The following SLCO1B3 variants were observed in gnomAD, a reference collection of about 807,000 sequenced individuals.
SLCO1B3 encodes liver-specific organic anion transporter 2.
SLCO1B3 carries 72 observed loss-of-function variants against 71.8 expected under a neutral mutation model. The observed-to-expected ratio is 1.00, with a 90% confidence interval of 0.83 to 1.22. The LOEUF (loss-of-function observed/expected upper bound fraction) is 1.22. SLCO1B3 is among the 50% of genes most tolerant of loss of function. SLCO1B3 has a pLI of 0.00. For synonymous variants in SLCO1B3, 298 were observed against 278.4 expected (o/e 1.07, Z -0.70); for missense variants, 911 against 819.7 (o/e 1.11, Z -1.36).
intron 3 of SLCO1B3, among the ~76,000 whole-genome samples, chr12:20,818,028 A>G (rs925602615): frequency 6.6e-6 from 1 of 152,078 alleles, no homozygotes; most frequent in African/African-American, 2.4e-5. Context: ...GGTGAATAGG[A>G]GTATGACTAG....
intron 3 of SLCO1B3, among the ~76,000 whole-genome samples, chr12:20,826,598 A>G (rs1183168154): frequency 6.6e-6 from 1 of 151,724 alleles, no homozygotes; most frequent in East Asian, 1.9e-4. Context: ...ACCTTATTAC[A>G]ATTTATACAA....
chr12:20,906,978 TTAA>T (rs143683895), intron 15 of SLCO1B3, among the ~76,000 whole-genome samples: 2,323 of 152,148 alleles, frequency 0.015, 55 homozygotes, highest in African/African-American at 0.053. Flanking sequence ...ATCAATTAAA[TTAA>T]TAATGTGCAT....
intron 15 of SLCO1B3, among the ~76,000 whole-genome samples, chr12:20,911,271 G>A (rs896993923): frequency 2.0e-5 from 3 of 152,032 alleles, no homozygotes; most frequent in Admixed American, 6.6e-5. Flanking sequence ...TTGAATGTTG[G>A]ACCAGTCTTG....
At chr12:20,869,501 T>C (rs1048474282) in intron 8 of SLCO1B3, among the ~76,000 whole-genome samples, 1 of 152,206 alleles carries the variant, frequency 6.6e-6, no homozygotes, top group Admixed American at 6.5e-5. Context: ...TATAACTTCT[T>C]GTTTTATATT....
chr12:20,909,980 G>A (rs1866342770), intron 15 of SLCO1B3, among the ~76,000 whole-genome samples: 1 of 152,200 alleles, frequency 6.6e-6, no homozygotes, highest in Non-Finnish European at 1.5e-5. Context: ...AAATTGTAAT[G>A]AAGTCCTCTT....
At chr12:20,908,489 A>T (rs1310481961) in intron 15 of SLCO1B3, among the ~76,000 whole-genome samples, 2 of 152,096 alleles carry the variant, frequency 1.3e-5, no homozygotes, top group African/African-American at 4.8e-5. Context: ...CCACTATCAT[A>T]AAAAGTAGTC....
At chr12:20,856,044 G>A (rs915613512) in intron 4 of SLCO1B3, among the ~76,000 whole-genome samples, 1 of 152,114 alleles carries the variant, frequency 6.6e-6, no homozygotes, top group African/African-American at 2.4e-5. Flanking sequence ...CAGAATATTT[G>A]TGATTCAAAG....
intron 3 of SLCO1B3, among the ~76,000 whole-genome samples, chr12:20,830,338 C>T (rs1355516216): frequency 2.0e-5 from 3 of 151,998 alleles, no homozygotes; most frequent in Non-Finnish European, 4.4e-5. Flanking sequence ...CAGGCCTGTG[C>T]CTTTCTCAAA....
intron 5 of SLCO1B3, chr12:20,858,787 TAAG>T (rs1423822356): frequency 2.6e-5 from 8 of 308,806 alleles, no homozygotes; most frequent in African/African-American, 1.1e-4. Flanking sequence ...AACTTTTAAA[TAAG>T]AATAATATTA....
chr12:20,872,742 G>T (rs776000544), intron 8 of SLCO1B3, among the ~76,000 whole-genome samples: 1 of 151,986 alleles, frequency 6.6e-6, no homozygotes, highest in Non-Finnish European at 1.5e-5. Context: ...CATGAGTTAG[G>T]GCCTCAAAAC....
At chr12:20,858,317 T>C (rs1418461487) in intron 4 of SLCO1B3, 122 bp from the exon 5 acceptor site, 2 of 664,702 alleles carry the variant, frequency 3.0e-6, no homozygotes, top group African/African-American at 1.8e-5. Context: ...CACAGTTAAA[T>C]TACATGGTCT....
intron 8 of SLCO1B3, among the ~76,000 whole-genome samples, chr12:20,866,543 A>T (rs551071585): frequency 3.3e-5 from 5 of 152,262 alleles, no homozygotes; most frequent in African/African-American, 1.2e-4. Flanking sequence ...GGAGAACTTC[A>T]TGCCACTAAT....
In SLCO1B3 at chr12:20,877,889, T is replaced by C; in HGVS notation, c.1088T>C (p.Met363Thr). ...IGSFTYVFKYMEQQYGQSASH... is the reference protein window; with the variant it reads ...IGSFTYVFKYTEQQYGQSASH... ...TCTTTTACTTACGTCTTTAAATATATGGAGCAACAGTACGGTCAGTCTGCA... is the reference window on the plus strand; with the variant it reads ...TCTTTTACTTACGTCTTTAAATATACGGAGCAACAGTACGGTCAGTCTGCA... The change falls in exon 10 of 16, where the codon ATG (methionine) becomes ACG (threonine). Residue 363 changes from methionine (M) to threonine (T), a missense_variant. By Grantham distance (81) the Met-to-Thr change is moderately conservative. Coordinates refer to ENST00000381545, the MANE Select transcript of SLCO1B3 (RefSeq NM_019844.4). 1.3e-6 allele frequency: 2 copies of C among 1,591,362 alleles called. No homozygotes were observed. The highest frequency in any genetic ancestry group is 1.7e-6 in the Non-Finnish European group (2 of 1,171,364).
At chr12:20,814,573 G>A (rs1864158094) in intron 2 of SLCO1B3, among the ~76,000 whole-genome samples, 1 of 152,112 alleles carries the variant, frequency 6.6e-6, no homozygotes, top group South Asian at 2.1e-4. Flanking sequence ...TATTAAAAGA[G>A]AAAATATTAT....
intron 8 of SLCO1B3, among the ~76,000 whole-genome samples, chr12:20,865,115 T>C (rs756373412): frequency 2.6e-5 from 4 of 152,098 alleles, no homozygotes; most frequent in African/African-American, 9.7e-5. Flanking sequence ...GCAGGACATA[T>C]CTAGCTTGGT....
chr12:20,818,230 A>C (rs1864227314), intron 3 of SLCO1B3, among the ~76,000 whole-genome samples: 1 of 152,108 alleles, frequency 6.6e-6, no homozygotes, highest in African/African-American at 2.4e-5. Flanking sequence ...AGTCCTTTTT[A>C]AGTTGGTGGC....
chr12:20,810,959 A>G (rs143073355), intron 1 of SLCO1B3, among the ~76,000 whole-genome samples, 195 bp downstream of exon 1: 56 of 152,320 alleles, frequency 3.7e-4, no homozygotes, highest in African/African-American at 1.3e-3. Context: ...TCAGATTTAT[A>G]TACTCAAAAA....
At position 20,858,591 on chromosome 12, in the gene SLCO1B3, G is replaced by C. The variant is rs763985962; in HGVS notation, c.359+20G>C. The stretch of plus-strand genomic sequence containing the variant: ...GGGATAGTAAGTGTTAAACAGCTCT[G>C]AGCCATTTATTATCAGCTACTTGTA... On this transcript the variant is annotated intron_variant, in intron 5 of 15. Coordinates refer to ENST00000381545, the MANE Select transcript of SLCO1B3 (RefSeq NM_019844.4). 1.3e-6 allele frequency: 2 copies of C among 1,581,648 alleles called. No individual in the cohort carries two copies. Among genetic ancestry groups the C allele is most frequent in the Non-Finnish European group, 1.7e-6 (2 of 1,163,656 alleles).
chr12:20,912,293 A>T (rs1475369981), intron 15 of SLCO1B3, among the ~76,000 whole-genome samples: 1 of 147,496 alleles, frequency 6.8e-6, no homozygotes, highest in Non-Finnish European at 1.5e-5. Flanking sequence ...CTTCTATTTT[A>T]TTTTTATTTT....
Sources: allele counts gnomAD v4.1 joint callset (sites outside exome capture counted in the v4.1 genomes callset), GRCh38; gene constraint gnomAD v4.1.1; transcripts MANE v1.5; gene names NCBI Gene and HGNC (gene_info 2026-07-23, HGNC 2026-07-21).